RELL1: variants seen among roughly 807,000 people sequenced by gnomAD.
RELL1 encodes RELT like 1, also known as RELT-like protein 1.
RELL1 carries 10 observed loss-of-function variants against 23.0 expected under a neutral mutation model. That is an observed-to-expected ratio of 0.43 (90% CI 0.27 to 0.74). The LOEUF is 0.74. RELL1 is among the 30% of genes least tolerant of loss of function. The pLI, the probability that RELL1 is intolerant of heterozygous loss-of-function variation, is 0.19. For missense variants in RELL1, 315 were observed against 364.4 expected, an observed-to-expected ratio of 0.86 and a Z score of 1.10; for synonymous variants, 146 against 146.8, an observed-to-expected ratio of 0.99 and a Z score of 0.04.
At chr4:37,663,722 G>A (rs956589817) in intron 1 of RELL1, among the ~76,000 whole-genome samples, 1 of 152,074 alleles carries the variant, frequency 6.6e-6, no homozygotes, top group African/African-American at 2.4e-5. Context: ...GGAATCCCGG[G>A]GCCCACACTC....
In RELL1 at chr4:37,635,082, G is replaced by T; in HGVS notation, c.485C>A (p.Pro162His). The T allele has an allele frequency of 6.2e-7, 1 of 1,614,228 alleles. No individual in the cohort carries two copies. Among genetic ancestry groups the T allele is most frequent in the Non-Finnish European group, 8.5e-7 (1 of 1,180,042 alleles). Residue 162 changes from proline (P) to histidine (H), a missense_variant, in exon 5 of 7, where the codon CCT becomes CAT. Pro to His is a moderately conservative substitution (Grantham distance 77). Transcript: ENST00000454158. Reference sequence around the variant, plus strand: ...CGTCCCCCCTGGTGACAAAGGCCCAGGACTCACTGGCGGGCTCCCTGGTGT... The same window carrying T: ...CGTCCCCCCTGGTGACAAAGGCCCATGACTCACTGGCGGGCTCCCTGGTGT... The part of the protein sequence containing the change: ...PSTPGSPPVS[P>H]GPLSPGGTPG...
chr4:37,669,557 C>G (rs1275101406), intron 1 of RELL1, among the ~76,000 whole-genome samples: 1 of 152,032 alleles, frequency 6.6e-6, no homozygotes, highest in African/African-American at 2.4e-5. Flanking sequence ...TGAGAACGGG[C>G]CATGATGACA....
chr4:37,607,759 T>C (rs1719267770), downstream of RELL1, among the ~76,000 whole-genome samples: 1 of 151,978 alleles, frequency 6.6e-6, no homozygotes, highest in African/African-American at 2.4e-5. Flanking sequence ...TTTTTCTTTT[T>C]TTTGTATGTT....
At chr4:37,601,938 G>T (rs1719026876) in intron 6 of RELL1, among the ~76,000 whole-genome samples, 1 of 152,002 alleles carries the variant, frequency 6.6e-6, no homozygotes, top group Non-Finnish European at 1.5e-5. Context: ...ACCAGGCTGG[G>T]CACAGTGGCT....
chr4:37,686,273 T>C lies in RELL1; in HGVS notation c.15A>G (p.Ala5=). The C allele has an allele frequency of 6.5e-7, 1 of 1,542,554 alleles. No homozygotes were observed. Among genetic ancestry groups the C allele is most frequent in the Admixed American group, 1.9e-5 (1 of 53,146 alleles). Residue 5 remains alanine, a synonymous_variant, in exon 1 of 7, where the codon GCA becomes GCG. Transcript: ENST00000454158. Reference sequence around the variant, plus strand: ...CGGCTAGGACGGCGGACCCCGGGAGTGCCCGCGGAGCCATCGCCGCGTCGC... The same window carrying C: ...CGGCTAGGACGGCGGACCCCGGGAGCGCCCGCGGAGCCATCGCCGCGTCGC... MAPR[A]LPGSAVLAAA... is the part of the protein sequence containing the mutation.
Position 37,667,546 on chromosome 4 carries a change from T to C in RELL1, c.89-18046A>G, listed in dbSNP as rs916066270. 7.4e-5 allele frequency among the ~76,000 whole-genome samples: 11 copies of C among 148,822 alleles called. No individual in the cohort carries two copies. The East Asian group carries it at 2.2e-3, about 29-fold the overall frequency. On this transcript the variant is annotated intron_variant, in intron 1 of 6. Coordinates refer to ENST00000454158, the MANE Select transcript of RELL1 (RefSeq NM_001085400.2). ...AAAGTCCATGGAATGGGATTCTCCA[T>C]AGCTCATCTCTATTATAGATACTAC...
chr4:37,661,410 T>C (rs945397396), intron 1 of RELL1, among the ~76,000 whole-genome samples: 2 of 152,016 alleles, frequency 1.3e-5, no homozygotes, highest in Non-Finnish European at 2.9e-5. Flanking sequence ...CTCCAGAGTA[T>C]CTGGGATTAC....
At chr4:37,658,675 G>C (rs539234758) in intron 1 of RELL1, among the ~76,000 whole-genome samples, 3 of 152,300 alleles carry the variant, frequency 2.0e-5, no homozygotes, top group South Asian at 4.1e-4. Context: ...AACACGACTT[G>C]TAAGAGAGTG....
intron 6 of RELL1, among the ~76,000 whole-genome samples, chr4:37,629,257 A>G (rs1720047898): frequency 6.6e-6 from 1 of 152,218 alleles, no homozygotes; most frequent in South Asian, 2.1e-4. Flanking sequence ...AGACTTGAAT[A>G]GCCAGATGCT....
chr4:37,638,625 G>A, intron 3 of RELL1, 121 bp from the exon 4 acceptor site: 1 of 741,252 alleles, frequency 1.3e-6, no homozygotes, highest in East Asian at 2.7e-5. Context: ...GAAGTCCTGG[G>A]GGCCTAGAGA....
chr4:37,596,731 TA>T (rs1560319884), intron 6 of RELL1, among the ~76,000 whole-genome samples: 246 of 23,920 alleles, frequency 0.01, 6 homozygotes, highest in Non-Finnish European at 0.016. Flanking sequence ...TATATATATA[TA>T]TATATTTTTT....
At chr4:37,668,964 G>A in intron 1 of RELL1, among the ~76,000 whole-genome samples, 1 of 150,886 alleles carries the variant, frequency 6.6e-6, no homozygotes, top group Non-Finnish European at 1.5e-5. Context: ...GAGAGGTGAG[G>A]AGCCCCTCTG....
chr4:37,622,691 A>G (rs1719807354), intron 6 of RELL1: 1 of 408,882 alleles, frequency 2.4e-6, no homozygotes, highest in Admixed American at 2.9e-5. Context: ...TGGTATAAGC[A>G]CTAGGATAGA....
At chr4:37,668,304 G>A (rs1325207956) in intron 1 of RELL1, among the ~76,000 whole-genome samples, 2 of 147,902 alleles carry the variant, frequency 1.4e-5, no homozygotes, top group African/African-American at 5.0e-5. Flanking sequence ...TCGGCTCACT[G>A]CAACCTCCCT....
rs1719444428 is a variant in RELL1 at position 37,612,650 on chromosome 4, A to C, written c.*696T>G. ...AGACTCTGCCTCAAAAAAAAAAAAA[A>C]AAAAACCTTCTCAAAATGTGTAAGT... On this transcript the variant is annotated 3_prime_UTR_variant, in exon 7 of 7. Coordinates refer to ENST00000454158, the MANE Select transcript of RELL1 (RefSeq NM_001085400.2). Among the ~76,000 whole-genome samples the C allele has an allele frequency of 6.6e-6, 1 of 151,678 alleles. No individual in the cohort carries two copies. The highest frequency in any genetic ancestry group is 1.9e-4 in the East Asian group (1 of 5,184).
At chr4:37,621,606 G>C (rs984687437) in intron 6 of RELL1, among the ~76,000 whole-genome samples, 1 of 152,180 alleles carries the variant, frequency 6.6e-6, no homozygotes, top group Non-Finnish European at 1.5e-5. Flanking sequence ...CCTTGGGTCT[G>C]TCTTTAGGCC....
chr4:37,624,680 C>T (rs1466748331), intron 6 of RELL1, among the ~76,000 whole-genome samples: 12 of 152,066 alleles, frequency 7.9e-5, no homozygotes, highest in Non-Finnish European at 7.4e-5. Flanking sequence ...CCGCCCACCT[C>T]GGCCTCCCAC....
At chr4:37,684,577 CT>C (rs1480143885) in intron 1 of RELL1, among the ~76,000 whole-genome samples, 1 of 152,200 alleles carries the variant, frequency 6.6e-6, no homozygotes, top group East Asian at 1.9e-4. Context: ...CTCTAACCCT[CT>C]AATGAATGTC....
rs1719157254 is a variant in RELL1 at position 37,605,193 on chromosome 4, GT to G, written c.*4-13977del. Among the ~76,000 whole-genome samples the G allele has an allele frequency of 2.6e-5, 4 of 152,208 alleles. 1 individual carries two copies. The South Asian group carries it at 8.3e-4, about 32-fold the overall frequency. The stretch of plus-strand genomic sequence containing the variant: ...AGTAGCAGTGTGGGCACATGCTTTT[GT>G]TTTACAGATAGATACAAAAAATACA... On this transcript the variant is annotated intron_variant, in intron 6 of 6. Coordinates refer to the RELL1 transcript ENST00000314117.
Sources: allele counts gnomAD v4.1 joint callset (sites outside exome capture counted in the v4.1 genomes callset), GRCh38; gene constraint gnomAD v4.1.1; transcripts MANE v1.5; gene names NCBI Gene and HGNC (gene_info 2026-07-23, HGNC 2026-07-21).